DTL: variants seen among roughly 807,000 people sequenced by gnomAD.
DTL encodes the protein denticleless E3 ubiquitin protein ligase adapter.
DTL carries 46 observed loss-of-function variants against 87.0 expected under a neutral mutation model. The ratio of observed to expected loss-of-function variants is 0.53; its 90% CI spans 0.42 to 0.68. The LOEUF is 0.68. DTL is among the 30% of genes least tolerant of loss of function. The pLI is 0.00. For missense variants in DTL, 737 were observed against 869.4 expected (o/e 0.85, Z 1.91); for synonymous variants, 308 against 311.2 (o/e 0.99, Z 0.11).
chr1:212,053,178 A>G (rs1668051749), intron 5 of DTL, among the ~76,000 whole-genome samples: 2 of 151,588 alleles, frequency 1.3e-5, no homozygotes, highest in Admixed American at 1.3e-4. Context: ...TTTGTCCTAA[A>G]GTTCACTTTC....
chr1:212,051,651 G>A (rs1283138011), intron 5 of DTL: 9 of 860,296 alleles, frequency 1.0e-5, no homozygotes, highest in Non-Finnish European at 1.7e-5. Flanking sequence ...TTTCTCTTTG[G>A]CTTCTTTCTT....
chr1:212,045,115 G>A (rs1667769800), intron 3 of DTL, among the ~76,000 whole-genome samples: 1 of 152,142 alleles, frequency 6.6e-6, no homozygotes. Flanking sequence ...CTCTTAGGGA[G>A]GGCGTTAATC....
intron 5 of DTL, among the ~76,000 whole-genome samples, chr1:212,058,351 G>A (rs1668242580): frequency 6.6e-6 from 1 of 152,050 alleles, no homozygotes; most frequent in Non-Finnish European, 1.5e-5. Context: ...ATAATATCAG[G>A]AATCTTCTCA....
At chr1:212,092,530 C>T (rs1462383160) in intron 13 of DTL, among the ~76,000 whole-genome samples, 8 of 150,364 alleles carry the variant, frequency 5.3e-5, no homozygotes, top group Non-Finnish European at 1.0e-4. Flanking sequence ...AGCGAGACTC[C>T]GTCTAAAAAA....
chr1:212,080,691 A>G lies in DTL; in HGVS notation c.1202A>G (p.Asp401Gly), dbSNP rs371712357. The change falls in exon 13 of 15, where the codon GAT becomes GGT. Residue 401 changes from aspartate (D) to glycine (G), a missense_variant. Transcript: ENST00000366991. ...GGCTTAGAGGAGAAACCAGGAGGTG[A>G]TAAACTTTCCACGGTGGGTTGGGCC... is the stretch of plus-strand genomic sequence containing the variant. Reference protein sequence around the residue: ...NRGLEEKPGGDKLSTVGWASQ... With the variant: ...NRGLEEKPGGGKLSTVGWASQ... 104 of 1,613,792 alleles carry G rather than the reference A, an allele frequency of 6.4e-5. No homozygotes were observed. The highest frequency in any genetic ancestry group is 8.6e-5 in the Non-Finnish European group (102 of 1,179,694).
chr1:212,054,228 C>A (rs1227196378), intron 5 of DTL, among the ~76,000 whole-genome samples: 1 of 152,056 alleles, frequency 6.6e-6, no homozygotes, highest in Non-Finnish European at 1.5e-5. Flanking sequence ...TCATGGGTTC[C>A]CTTTCTCTAG....
chr1:212,068,710 T>C lies in DTL; in HGVS notation c.922+7T>C. Reference sequence around the variant, plus strand: ...GGGTTGAAGACTTCTCCAGGTAAGATATTAGTCATTCAAATTCTCTTACCA... The same window carrying C: ...GGGTTGAAGACTTCTCCAGGTAAGACATTAGTCATTCAAATTCTCTTACCA... On this transcript the variant is annotated splice_region_variant and intron_variant, in intron 10 of 14. Transcript: ENST00000366991. 1.3e-6 allele frequency: 2 copies of C among 1,542,488 alleles called. No individual in the cohort carries two copies. Among genetic ancestry groups the C allele is most frequent in the African/African-American group, 2.7e-5 (2 of 73,204 alleles).
intron 13 of DTL, among the ~76,000 whole-genome samples, chr1:212,098,541 G>A (rs1011841055): frequency 1.9e-4 from 29 of 152,228 alleles, no homozygotes; most frequent in African/African-American, 6.7e-4. Flanking sequence ...TGGGGGCAGG[G>A]ATAGTGTGTC....
At chr1:212,037,597 G>A (rs1271703657) in intron 1 of DTL, among the ~76,000 whole-genome samples, 3 of 152,150 alleles carry the variant, frequency 2.0e-5, no homozygotes, top group Non-Finnish European at 2.9e-5. Context: ...GCATATTTTG[G>A]TCACACAAAC....
chr1:212,101,180 A>G (rs1186952641), intron 14 of DTL, 96 bp downstream of exon 14: 3 of 905,458 alleles, frequency 3.3e-6, no homozygotes, highest in Non-Finnish European at 4.8e-6. Context: ...TTTTTTAAAG[A>G]AAGAAATCTA....
intron 9 of DTL, 45 bp downstream of exon 9, chr1:212,068,372 T>TAAAAAA: frequency 3.2e-6 from 3 of 952,312 alleles, no homozygotes; most frequent in Non-Finnish European, 4.6e-6. Context: ...AGTTTTTGTT[T>TAAAAAA]AAAAAAAAAA....
At chr1:212,092,424 G>A (rs1655311764) in intron 13 of DTL, among the ~76,000 whole-genome samples, 1 of 152,088 alleles carries the variant, frequency 6.6e-6, no homozygotes, top group South Asian at 2.1e-4. Flanking sequence ...CAGCTACTTG[G>A]GAGGCTGAGT....
At chr1:212,062,589 C>G (rs1209288998) in intron 5 of DTL, among the ~76,000 whole-genome samples, 1 of 152,124 alleles carries the variant, frequency 6.6e-6, no homozygotes, top group Non-Finnish European at 1.5e-5. Flanking sequence ...AAGAAGCACT[C>G]TGTATTTTGA....
intron 14 of DTL, 68 bp downstream of exon 14, chr1:212,101,152 G>A (rs1020855588): frequency 4.9e-5 from 47 of 964,366 alleles, no homozygotes; most frequent in Non-Finnish European, 6.2e-5. Context: ...GATGTCTCAA[G>A]TCAGGATGCT....
chr1:212,090,433 A>G (rs2102577925), intron 13 of DTL, among the ~76,000 whole-genome samples: 1 of 152,076 alleles, frequency 6.6e-6, no homozygotes, highest in East Asian at 1.9e-4. Flanking sequence ...AGGTAATTAA[A>G]CTGAATTAAA....
intron 13 of DTL, among the ~76,000 whole-genome samples, chr1:212,096,199 G>A (rs1185215529): frequency 6.6e-6 from 1 of 151,880 alleles, no homozygotes; most frequent in East Asian, 1.9e-4. Context: ...GTATTTCTGT[G>A]GTATTCGTTG....
chr1:212,073,179 A>G (rs1344288308), intron 11 of DTL, among the ~76,000 whole-genome samples: 2 of 152,240 alleles, frequency 1.3e-5, no homozygotes, highest in Non-Finnish European at 2.9e-5. Context: ...ATGTTAGACA[A>G]CAGGTAGCAC....
chr1:212,101,160 G>T, intron 14 of DTL, 76 bp downstream of exon 14: 10 of 748,362 alleles, frequency 1.3e-5, no homozygotes, highest in Admixed American at 6.7e-5. Context: ...AAGTCAGGAT[G>T]CTTTTTTTTT....
Position 212,068,354 on chromosome 1 carries a change from G to A in DTL, c.817+27G>A, listed in dbSNP as rs766880773. ...TAAGCCTTTAATAGGTCTTTTGGGG[G>A]AGATAAGAGTTTTTGTTTAAAAAAA... On this transcript the variant is annotated intron_variant, in intron 9 of 14. Transcript: ENST00000366991. The A allele has an allele frequency of 1.2e-5, 17 of 1,424,270 alleles. No homozygotes were observed. The South Asian group carries it at 1.9e-4, about 16-fold the overall frequency. 88.2% of individuals were successfully genotyped at this position (1,424,270 alleles called of 1,614,324 possible).
Sources: gnomAD v4.1 joint callset for allele counts (sites outside exome capture counted in the v4.1 genomes callset) on GRCh38, gnomAD v4.1.1 for gene constraint, MANE v1.5 for transcripts, NCBI Gene and HGNC (gene_info 2026-07-23, HGNC 2026-07-21) for gene names.